Variants in AGBL4 observed in about 807,000 individuals in gnomAD.
AGBL4 encodes AGBL carboxypeptidase 4.
In AGBL4, 58 loss-of-function variants were observed where a neutral mutation model predicts 66.4. The observed-to-expected ratio is 0.87, with a 90% CI of 0.71 to 1.09. The LOEUF (loss-of-function observed/expected upper bound fraction) is 1.09. AGBL4 is among the 50% of genes least tolerant of loss of function. AGBL4 has a pLI of 0.00. For missense variants in AGBL4, 579 were observed against 631.0 expected, an observed-to-expected ratio of 0.92 and a Z score of 0.88; for synonymous variants, 234 against 222.9, an observed-to-expected ratio of 1.05 and a Z score of -0.44.
intron 5 of AGBL4, among the ~76,000 whole-genome samples, chr1:48,878,841 C>A (rs1649474424): frequency 6.6e-6 from 1 of 152,110 alleles, no homozygotes; most frequent in South Asian, 2.1e-4. Context: ...TCCTGCCCAG[C>A]CGGAGTAATG....
rs558135295 is a variant in AGBL4, at chr1:49,035,909, A to C, written c.594+9675T>G. On this transcript the variant is annotated intron_variant, in intron 5 of 13. Coordinates refer to ENST00000371839, the MANE Select transcript of AGBL4 (RefSeq NM_032785.4). ...ATGTTGTCACTTACAAATGACCGCT[A>C]AACACTGGGGTCTCATGGATATAAA... 3.3e-5 allele frequency among the ~76,000 whole-genome samples: 5 copies of C among 152,192 alleles called. No individual in the cohort carries two copies. The South Asian group carries it at 1.0e-3, about 31-fold the overall frequency.
intron 3 of AGBL4, among the ~76,000 whole-genome samples, chr1:49,357,404 C>A (rs995156887): frequency 1.3e-5 from 2 of 152,110 alleles, no homozygotes; most frequent in African/African-American, 4.8e-5. Context: ...CTAGGAGAAC[C>A]AGAGCAAGCA....
intron 4 of AGBL4, among the ~76,000 whole-genome samples, chr1:49,224,616 CAAA>C (rs377573639): frequency 6.7e-5 from 5 of 74,720 alleles, no homozygotes; most frequent in Non-Finnish European, 2.5e-5. Context: ...GACTCCCTCT[CAAA>C]AAAAAAAAAA....
intron 3 of AGBL4, among the ~76,000 whole-genome samples, chr1:49,247,479 T>C (rs999506111): frequency 1.3e-5 from 2 of 152,134 alleles, no homozygotes; most frequent in African/African-American, 4.8e-5. Context: ...GACTTGCCTT[T>C]TGTCAATTCA....
In AGBL4 at chr1:49,180,681, T is replaced by C. The variant is rs148470508; in HGVS notation, c.377+65089A>G. On this transcript the variant is annotated intron_variant, in intron 4 of 13. Coordinates refer to ENST00000371839, the MANE Select transcript of AGBL4 (RefSeq NM_032785.4). Reference sequence around the variant, plus strand: ...GAATCAAATTGCCCAAGTAAAAGCATAGGAGCTTGAGAAGGGGGTGGCAAC... The same window carrying C: ...GAATCAAATTGCCCAAGTAAAAGCACAGGAGCTTGAGAAGGGGGTGGCAAC... Among the ~76,000 whole-genome samples, 37 of 152,222 alleles carry C rather than the reference T, an allele frequency of 2.4e-4. 1 individual carries two copies. The highest frequency in any genetic ancestry group is 8.7e-4 in the African/African-American group (36 of 41,528).
chr1:48,592,551 A>G (rs1261458305), intron 9 of AGBL4, among the ~76,000 whole-genome samples: 1 of 152,252 alleles, frequency 6.6e-6, no homozygotes, highest in African/African-American at 2.4e-5. Flanking sequence ...GGTGGAATAC[A>G]CAATGATTCA....
chr1:49,983,675 T>C (rs1659266415), intron 1 of AGBL4, among the ~76,000 whole-genome samples: 1 of 152,278 alleles, frequency 6.6e-6, no homozygotes, highest in Non-Finnish European at 1.5e-5. Context: ...GAATTTAGGT[T>C]AATCAGTACT....
At chr1:49,635,725 A>T (rs1014758032) in intron 3 of AGBL4, among the ~76,000 whole-genome samples, 2 of 152,188 alleles carry the variant, frequency 1.3e-5, no homozygotes, top group African/African-American at 4.8e-5. Flanking sequence ...TTCTGAAATA[A>T]AAATGAGGAA....
intron 3 of AGBL4, among the ~76,000 whole-genome samples, chr1:49,324,156 A>G (rs1369411215): frequency 1.3e-5 from 2 of 152,272 alleles, no homozygotes; most frequent in Non-Finnish European, 2.9e-5. Context: ...TAAGAAAGAT[A>G]TCTATCTGCC....
chr1:49,104,858 A>C (rs1448285493), intron 4 of AGBL4, among the ~76,000 whole-genome samples: 1 of 152,176 alleles, frequency 6.6e-6, no homozygotes, highest in Non-Finnish European at 1.5e-5. Context: ...TATTATTTGC[A>C]TAGAAAAGGC....
At chr1:48,723,066 A>G (rs145865031) in intron 6 of AGBL4, among the ~76,000 whole-genome samples, 1 of 152,052 alleles carries the variant, frequency 6.6e-6, no homozygotes, top group East Asian at 1.9e-4. Context: ...ATTTGAACAC[A>G]TGGCTGTCTA....
chr1:49,190,807 T>G (rs1367296564), intron 4 of AGBL4, among the ~76,000 whole-genome samples: 2 of 152,064 alleles, frequency 1.3e-5, no homozygotes, highest in Non-Finnish European at 2.9e-5. Flanking sequence ...TCACTTAGGG[T>G]ATATAATTAA....
At chr1:49,972,917 AT>A (rs1658255262) in intron 1 of AGBL4, among the ~76,000 whole-genome samples, 1 of 152,194 alleles carries the variant, frequency 6.6e-6, no homozygotes, top group African/African-American at 2.4e-5. Flanking sequence ...ATGTTGCTTA[AT>A]CTTCACAATA....
intron 6 of AGBL4, among the ~76,000 whole-genome samples, chr1:48,781,755 A>G (rs1645297613): frequency 6.6e-6 from 1 of 152,202 alleles, no homozygotes; most frequent in African/African-American, 2.4e-5. Flanking sequence ...TATAGCAGCC[A>G]TACTAGGTTC....
intron 3 of AGBL4, among the ~76,000 whole-genome samples, chr1:49,594,777 T>C (rs1644820420): frequency 6.6e-6 from 1 of 152,212 alleles, no homozygotes; most frequent in Non-Finnish European, 1.5e-5. Flanking sequence ...TGATGGGCAT[T>C]TGGGTTGGTT....
chr1:49,748,940 T>G (rs968395670), intron 2 of AGBL4, among the ~76,000 whole-genome samples: 1 of 152,208 alleles, frequency 6.6e-6, no homozygotes, highest in Non-Finnish European at 1.5e-5. Flanking sequence ...GCAAAAATTT[T>G]CTCCCATTCT....
intron 3 of AGBL4, among the ~76,000 whole-genome samples, chr1:49,313,689 G>C (rs1644983275): frequency 6.6e-6 from 1 of 152,076 alleles, no homozygotes; most frequent in South Asian, 2.1e-4. Context: ...AGAAATGTCT[G>C]TTCATATCCT....
rs536589204 is a variant in AGBL4, at chr1:49,782,168, A to G, written c.157+69228T>C. Among the ~76,000 whole-genome samples, 7 of 152,108 alleles carry G rather than the reference A, an allele frequency of 4.6e-5. No homozygotes were observed. The South Asian group carries it at 1.5e-3, about 32-fold the overall frequency. On this transcript the variant is annotated intron_variant, in intron 2 of 13. Coordinates refer to ENST00000371839, the MANE Select transcript of AGBL4 (RefSeq NM_032785.4). ...TAGAAAAACAAGAAAGAAAGTCAAT[A>G]AAACCAAAAGTTAGTTCATTGAAAA...
chr1:48,689,976 C>A (rs1330128461), intron 6 of AGBL4, among the ~76,000 whole-genome samples: 1 of 152,206 alleles, frequency 6.6e-6, no homozygotes, highest in African/African-American at 2.4e-5. Context: ...TCTGAGCCAA[C>A]CCTCCTTCCT....
Sources: allele counts gnomAD v4.1 joint callset (sites outside exome capture counted in the v4.1 genomes callset), GRCh38; gene constraint gnomAD v4.1.1; transcripts MANE v1.5; gene names NCBI Gene and HGNC (gene_info 2026-07-23, HGNC 2026-07-21).